Variants in OFD1 observed in about 807,000 individuals in gnomAD.
OFD1 encodes the protein centriole and centriolar satellite protein OFD1.
In OFD1, 12 loss-of-function variants were observed where a neutral mutation model predicts 81.4. The ratio of observed to expected loss-of-function variants is 0.15; its 90% CI spans 0.09 to 0.24. The LOEUF (loss-of-function observed/expected upper bound fraction) is 0.24. Ranked by LOEUF, OFD1 falls within the 10% of genes least tolerant of loss-of-function variation. OFD1 has a pLI of 1.00. For synonymous variants in OFD1, 256 were observed against 263.7 expected (o/e 0.97, Z 0.28); for missense variants, 685 against 733.9 (o/e 0.93, Z 0.77).
At chrX:13,766,258 G>C (rs746767179) in intron 19 of OFD1, among the ~76,000 whole-genome samples, 70 of 111,990 alleles carry the variant, frequency 6.3e-4, no homozygotes, top group African/African-American at 2.1e-3. Context: ...ACAGGTTGTT[G>C]GAAGGCAGAG....
At chrX:13,742,110 A>G (rs1218119168) in intron 5 of OFD1, among the ~76,000 whole-genome samples, 10 of 112,456 alleles carry the variant, frequency 8.9e-5, no homozygotes, top group Non-Finnish European at 1.7e-4. Context: ...CTTATCTGCA[A>G]TTGGCAAAAG....
chrX:13,753,613 C>G, intron 11 of OFD1, 172 bp downstream of exon 11: 1 of 446,245 alleles, frequency 2.2e-6, no homozygotes, highest in Non-Finnish European at 3.8e-6. Flanking sequence ...ATGGTCTTCA[C>G]TGCCTTTTGA....
At chrX:13,726,642 T>C in the OFD1 span, among the ~76,000 whole-genome samples, 1 of 111,975 alleles carries the variant, frequency 8.9e-6, no homozygotes, top group Admixed American at 9.5e-5. Flanking sequence ...TACCAGCCAC[T>C]GCAAAAACAG....
At chrX:13,736,106 A>G in intron 2 of OFD1, 2 of 813,547 alleles carry the variant, frequency 2.5e-6, no homozygotes, top group Admixed American at 6.8e-5. Context: ...ATTCTCCAAC[A>G]GTCCACAGAG....
chrX:13,736,594 T>A lies in OFD1; in HGVS notation c.228T>A (p.Ser76=). 3 of 1,207,416 alleles carry A rather than the reference T, an allele frequency of 2.5e-6. No individual in the cohort carries two copies. The highest frequency in any genetic ancestry group is 3.4e-6 in the Non-Finnish European group (3 of 891,432). The part of the protein sequence containing the change: ...GSSLLIGASN[S]LVADHLQRCG... Reference sequence around the variant, plus strand: ...CCCTCTTAATAGGCGCCTCTAACTCTTTAGTGGCAGATCACTTACAAAGAT... The same window carrying A: ...CCCTCTTAATAGGCGCCTCTAACTCATTAGTGGCAGATCACTTACAAAGAT... The change falls in exon 3 of 23, where the codon TCT becomes TCA. Residue 76 remains serine, a synonymous_variant. Transcript: ENST00000340096.
intron 12 of OFD1, 42 bp downstream of exon 12, chrX:13,755,284 A>G: frequency 1.0e-6 from 1 of 963,943 alleles, no homozygotes; most frequent in Admixed American, 2.2e-5. Context: ...GATTTTAAGC[A>G]ATATATGAAA....
upstream of OFD1, among the ~76,000 whole-genome samples, chrX:13,733,513 A>G (rs983204402): frequency 5.4e-5 from 6 of 112,058 alleles, no homozygotes; most frequent in Non-Finnish European, 1.1e-4. Flanking sequence ...TGTTTCCAAC[A>G]AAAACTTACA....
the OFD1 span, chrX:13,719,815 A>T: frequency 2.2e-6 from 2 of 892,054 alleles, no homozygotes; most frequent in Non-Finnish European, 3.1e-6. Flanking sequence ...CAGATCTTCC[A>T]GTTCTAAAAT....
At chrX:13,723,550 A>G in the OFD1 span, among the ~76,000 whole-genome samples, 1 of 111,676 alleles carries the variant, frequency 9.0e-6, no homozygotes, top group Non-Finnish European at 1.9e-5. Context: ...TAGAATTCCA[A>G]TATATAATAC....
At chrX:13,756,492 C>A in intron 12 of OFD1, 86 bp from the exon 13 acceptor site, 1 of 700,372 alleles carries the variant, frequency 1.4e-6, no homozygotes. Flanking sequence ...AATTGTGACA[C>A]CATGCTTAAA....
At chrX:13,752,770 G>A (rs1307751774) in intron 10 of OFD1, 1 of 971,966 alleles carries the variant, frequency 1.0e-6, no homozygotes, top group Admixed American at 3.0e-5. Flanking sequence ...AGGTGTTGGA[G>A]TTTGGAGGCT....
At chrX:13,736,910 A>G (rs2046889147) in intron 3 of OFD1, among the ~76,000 whole-genome samples, 1 of 112,417 alleles carries the variant, frequency 8.9e-6, no homozygotes, top group Non-Finnish European at 1.9e-5. Flanking sequence ...TGATGTATAG[A>G]ATCTCTAAAT....
rs145567933 is a variant in OFD1, at chrX:13,760,027, C to G, written c.1655-88C>G. 449 of 1,129,461 alleles carry G rather than the reference C, an allele frequency of 4.0e-4. 1 individual carries two copies. The African/African-American group carries it at 7.0e-3, about 18-fold the overall frequency. The allele number at this position is 1,129,461 out of a possible 1,213,427, so 93.1% of individuals were successfully genotyped here. A position where few individuals can be genotyped will look rare whatever the true frequency, so the allele number is the denominator to read the frequency against. On this transcript the variant is annotated intron_variant, in intron 15 of 22. Transcript: ENST00000340096. ...GCAAGTTTGTCCTTATTACTCTCTT[C>G]CATTTTTCAAAAAAATAATATTCTC...
At chrX:13,717,705 C>CTCCAGCCTG in the OFD1 span, among the ~76,000 whole-genome samples, 2 of 111,564 alleles carry the variant, frequency 1.8e-5, no homozygotes, top group Admixed American at 1.9e-4. Context: ...CGCCATTGCA[C>CTCCAGCCTG]TCCAGCCTGG....
At chrX:13,752,621 T>G in intron 10 of OFD1, 1 of 889,516 alleles carries the variant, frequency 1.1e-6, no homozygotes, top group Non-Finnish European at 1.5e-6. Context: ...GTTGCTGAAT[T>G]TTTAGGAATA....
At chrX:13,769,693 G>A (rs1271676079), downstream of OFD1, among the ~76,000 whole-genome samples, 1 of 111,823 alleles carries the variant, frequency 8.9e-6, no homozygotes, top group Non-Finnish European at 1.9e-5. Context: ...AGGTGACTAA[G>A]AGTGGGATTA....
At chrX:13,770,029 G>GT (rs1181429795), downstream of OFD1, among the ~76,000 whole-genome samples, 2 of 111,804 alleles carry the variant, frequency 1.8e-5, no homozygotes, top group Non-Finnish European at 3.8e-5. Flanking sequence ...TATTTCCTTT[G>GT]TTTTTAAATG....
chrX:13,750,214 C>G (rs186449839), intron 9 of OFD1, among the ~76,000 whole-genome samples: 1 of 112,140 alleles, frequency 8.9e-6, no homozygotes, highest in Non-Finnish European at 1.9e-5. Context: ...ACCTTACTCT[C>G]TTTTTGGCAA....
intron 9 of OFD1, among the ~76,000 whole-genome samples, chrX:13,750,665 C>T (rs1223065535): frequency 8.9e-6 from 1 of 112,091 alleles, no homozygotes; most frequent in Non-Finnish European, 1.9e-5. Context: ...TTTTAAGACA[C>T]AGTGTCTCTC....
Sources: gnomAD v4.1 joint callset for allele counts (sites outside exome capture counted in the v4.1 genomes callset) on GRCh38, gnomAD v4.1.1 for gene constraint, MANE v1.5 for transcripts, NCBI Gene and HGNC (gene_info 2026-07-23, HGNC 2026-07-21) for gene names.